Variants in MTCL1 observed in about 807,000 individuals in gnomAD.
MTCL1 encodes microtubule crosslinking factor 1, also known as microtubule cross-linking factor 1.
A neutral mutation model predicts 141.4 loss-of-function variants in MTCL1; 79 were observed. The observed-to-expected ratio is 0.56, with a 90% CI of 0.47 to 0.67. The LOEUF (loss-of-function observed/expected upper bound fraction) is 0.67. MTCL1 is among the 30% of genes least tolerant of loss of function. The probability of loss-of-function intolerance (pLI) is 0.00; values close to 1 mark genes in which losing one functional copy is unlikely to be tolerated. For missense variants in MTCL1, 2,177 were observed against 2,113.9 expected (o/e 1.03, Z -0.59); for synonymous variants, 914 against 875.8 (o/e 1.04, Z -0.77).
chr18:8,756,416 T>C (rs1286861719), intron 4 of MTCL1, among the ~76,000 whole-genome samples: 1 of 146,390 alleles, frequency 6.8e-6, no homozygotes, highest in Non-Finnish European at 1.5e-5. Context: ...TGTGTATATG[T>C]GTATATATGT....
At chr18:8,732,051 A>G (rs1049554999) in intron 4 of MTCL1, among the ~76,000 whole-genome samples, 2 of 152,150 alleles carry the variant, frequency 1.3e-5, no homozygotes, top group African/African-American at 4.8e-5. Context: ...TTGAATTTAT[A>G]TGCTACAAGT....
chr18:8,786,734 C>T (rs76334210), intron 7 of MTCL1: 5 of 225,020 alleles, frequency 2.2e-5, no homozygotes. Flanking sequence ...AAGAGGGGAT[C>T]CCCGAGGAGC....
intron 4 of MTCL1, among the ~76,000 whole-genome samples, chr18:8,759,692 T>G (rs976975303): frequency 5.3e-5 from 8 of 152,200 alleles, no homozygotes; most frequent in Non-Finnish European, 1.2e-4. Context: ...AGCATGTAAT[T>G]GGCATAAATT....
intron 4 of MTCL1, among the ~76,000 whole-genome samples, chr18:8,744,944 G>A (rs1434718652): frequency 6.6e-6 from 1 of 152,220 alleles, no homozygotes; most frequent in Non-Finnish European, 1.5e-5. Flanking sequence ...GAGCAGGGCA[G>A]CCAGCCCCCC....
chr18:8,813,825 TG>T (rs907246021), intron 12 of MTCL1, among the ~76,000 whole-genome samples: 28 of 152,098 alleles, frequency 1.8e-4, no homozygotes, highest in African/African-American at 6.5e-4. Flanking sequence ...CAGATGAATT[TG>T]GGGAGGAGGG....
intron 12 of MTCL1, among the ~76,000 whole-genome samples, chr18:8,816,517 G>C (rs2076660603): frequency 6.6e-6 from 1 of 152,160 alleles, no homozygotes; most frequent in African/African-American, 2.4e-5. Flanking sequence ...TTGCGGGGTG[G>C]GGGTAGGAGA....
chr18:8,746,452 T>C (rs912189902), intron 4 of MTCL1, among the ~76,000 whole-genome samples: 1 of 152,256 alleles, frequency 6.6e-6, no homozygotes, highest in Non-Finnish European at 1.5e-5. Context: ...GTGCTGAGGC[T>C]ACTTAAACAG....
intron 10 of MTCL1, among the ~76,000 whole-genome samples, chr18:8,802,670 G>A (rs2076160861): frequency 1.3e-5 from 2 of 152,212 alleles, no homozygotes; most frequent in African/African-American, 2.4e-5. Flanking sequence ...TAAAAAGTTT[G>A]ACATATTATA....
chr18:8,818,862 C>G (rs2076747956), intron 12 of MTCL1, 101 bp from the exon 12 acceptor site: 18 of 1,175,896 alleles, frequency 1.5e-5, no homozygotes, highest in Admixed American at 2.3e-5. Context: ...ATTTTTCAAA[C>G]TGACCTATGT....
upstream of MTCL1, among the ~76,000 whole-genome samples, chr18:8,712,799 A>G (rs2096102095): frequency 6.6e-6 from 1 of 152,162 alleles, no homozygotes; most frequent in Non-Finnish European, 1.5e-5. Context: ...GATTATTCGT[A>G]TGTTACAAAA....
intron 7 of MTCL1, among the ~76,000 whole-genome samples, chr18:8,790,235 A>G (rs1051819431): frequency 6.6e-6 from 1 of 152,258 alleles, no homozygotes; most frequent in Non-Finnish European, 1.5e-5. Flanking sequence ...TGTTTCAGAT[A>G]AAAATGGCTT....
At chr18:8,732,495 A>G (rs1263433592) in intron 4 of MTCL1, among the ~76,000 whole-genome samples, 1 of 152,184 alleles carries the variant, frequency 6.6e-6, no homozygotes, top group Non-Finnish European at 1.5e-5. Context: ...AGGATTCTCT[A>G]CGGCCTGAGT....
At chr18:8,795,861 AG>A (rs907073477) in intron 8 of MTCL1, among the ~76,000 whole-genome samples, 1 of 152,164 alleles carries the variant, frequency 6.6e-6, no homozygotes, top group Admixed American at 6.6e-5. Context: ...TTGAGTGCCC[AG>A]CTCATGTACA....
At chr18:8,722,312 T>C (rs2096178715) in intron 4 of MTCL1, among the ~76,000 whole-genome samples, 1 of 152,116 alleles carries the variant, frequency 6.6e-6, no homozygotes, top group African/African-American at 2.4e-5. Flanking sequence ...TAGTCCTAGA[T>C]ACTAGGGAGG....
upstream of MTCL1, among the ~76,000 whole-genome samples, chr18:8,712,621 A>G (rs2096100819): frequency 6.6e-6 from 1 of 152,212 alleles, no homozygotes; most frequent in South Asian, 2.1e-4. Flanking sequence ...TCAGCCACTG[A>G]AAGAGTGGCT....
chr18:8,748,944 G>C (rs1390817766), intron 4 of MTCL1, among the ~76,000 whole-genome samples: 1 of 152,166 alleles, frequency 6.6e-6, no homozygotes, highest in Non-Finnish European at 1.5e-5. Context: ...GCAGTTTCTT[G>C]TGCACAAGGA....
At chr18:8,709,435 C>G (rs893017685) in intron 1 of MTCL1, among the ~76,000 whole-genome samples, 1 of 152,130 alleles carries the variant, frequency 6.6e-6, no homozygotes, top group Non-Finnish European at 1.5e-5. Flanking sequence ...TTCAAGTGAT[C>G]CTCCCTCCTT....
At position 8,767,510 on chromosome 18, in the gene MTCL1, C is replaced by T. The variant is rs1010751018; in HGVS notation, c.358-10323C>T. ...TTACTGTCCTCAAATATACATTAAG[C>T]CCTACTTTGTCCTCTGCACAAAGAT... On this transcript the variant is annotated intron_variant, in intron 4 of 16. Transcript: ENST00000359865. 2.2e-4 allele frequency among the ~76,000 whole-genome samples: 33 copies of T among 152,268 alleles called. 1 individual carries two copies. The highest frequency in any genetic ancestry group is 7.9e-4 in the African/African-American group (33 of 41,534).
intron 7 of MTCL1, 39 bp downstream of exon 6, chr18:8,786,130 C>CCCCCCTTTT: frequency 6.6e-7 from 1 of 1,503,808 alleles, no homozygotes; most frequent in South Asian, 1.2e-5. Context: ...CCGCCCTCCC[C>CCCCCCTTTT]CTCCTTTTTC....
Sources: gnomAD v4.1 joint callset for allele counts (sites outside exome capture counted in the v4.1 genomes callset) on GRCh38, gnomAD v4.1.1 for gene constraint, MANE v1.5 for transcripts, NCBI Gene and HGNC (gene_info 2026-07-23, HGNC 2026-07-21) for gene names.